DNAH9: variants seen among roughly 807,000 people sequenced by gnomAD.
DNAH9 encodes dynein axonemal heavy chain 9, also known as DNAH9 variant protein.
Under a neutral mutation model 471.6 loss-of-function variants are expected in DNAH9, and 345 were observed. The observed-to-expected ratio is 0.73, with a 90% CI of 0.67 to 0.80. The LOEUF is 0.80. Ranked by LOEUF, DNAH9 falls within the 30% of genes least tolerant of loss-of-function variation. The pLI is 0.00. For synonymous variants in DNAH9, 2,093 were observed against 2,123.6 expected, an observed-to-expected ratio of 0.99 and a Z score of 0.40; for missense variants, 5,407 against 5,609.2, an observed-to-expected ratio of 0.96 and a Z score of 1.15.
Position 11,690,206 on chromosome 17 carries a change from C to T in DNAH9, c.4384C>T (p.Leu1462=), listed in dbSNP as rs1171808693. The stretch of plus-strand genomic sequence containing the variant: ...CCACCCACGGACCAATGTCCCCCTC[C>T]TGTGCTCTGATGAGGACCTCATAGA... The part of the protein sequence containing the change: ...EPHPRTNVPL[L]CSDEDLIEVL... The change falls in exon 20 of 69, where the codon CTG becomes TTG. Residue 1462 remains leucine (L), a synonymous_variant. Transcript: ENST00000262442. 1 of 1,614,106 alleles carries T rather than the reference C, an allele frequency of 6.2e-7. No individual in the cohort carries two copies. Among genetic ancestry groups the T allele is most frequent in the Non-Finnish European group, 8.5e-7 (1 of 1,180,040 alleles).
intron 27 of DNAH9, among the ~76,000 whole-genome samples, chr17:11,727,373 C>A (rs1325812256): frequency 6.6e-6 from 1 of 152,030 alleles, no homozygotes; most frequent in Admixed American, 6.6e-5. Flanking sequence ...GTTATCACCC[C>A]CTGTCTTTGT....
intron 49 of DNAH9, 100 bp downstream of exon 49, chr17:11,834,998 G>C: frequency 6.9e-7 from 1 of 1,440,560 alleles, no homozygotes; most frequent in Non-Finnish European, 9.2e-7. Flanking sequence ...TGTTGGGAGA[G>C]TTTAGGGTGG....
intron 38 of DNAH9, among the ~76,000 whole-genome samples, chr17:11,774,605 C>A (rs1486882594): frequency 2.0e-5 from 3 of 152,130 alleles, no homozygotes; most frequent in Non-Finnish European, 2.9e-5. Context: ...GGAAACCCGT[C>A]CTCATGATTC....
chr17:11,802,648 C>CAA (rs3070089), intron 43 of DNAH9, among the ~76,000 whole-genome samples: 66,959 of 130,942 alleles, frequency 0.51, 17,081 homozygotes, highest in Non-Finnish European at 0.55. Context: ...AACACACAGA[C>CAA]AAAAAAAAAA....
intron 53 of DNAH9, among the ~76,000 whole-genome samples, chr17:11,876,773 G>T (rs1292605864): frequency 1.3e-5 from 2 of 152,162 alleles, no homozygotes; most frequent in African/African-American, 4.8e-5. Flanking sequence ...AGGCTGGAGT[G>T]CAGTGGTGCG....
At position 11,739,162 on chromosome 17, in the gene DNAH9, A is replaced by G. The variant is rs2075396487; in HGVS notation, c.5972+125A>G. 9 of 964,176 alleles carry G rather than the reference A, an allele frequency of 9.3e-6. No homozygotes were observed. In the South Asian group the frequency reaches 1.3e-4, roughly 14 times the overall value. 59.7% of individuals were successfully genotyped at this position (964,176 alleles called of 1,614,324 possible). A position where few individuals can be genotyped will look rare whatever the true frequency, so the allele number is the denominator to read the frequency against. On this transcript the variant is annotated intron_variant, in intron 29 of 68. Coordinates refer to ENST00000262442, the MANE Select transcript of DNAH9 (RefSeq NM_001372.4). Reference sequence around the variant, plus strand: ...CATTTGGAAAAGTAGATTTGTAACAACCTTCTTTAATGTCTTTAATGCAGT... The same window carrying G: ...CATTTGGAAAAGTAGATTTGTAACAGCCTTCTTTAATGTCTTTAATGCAGT...
intron 28 of DNAH9, among the ~76,000 whole-genome samples, chr17:11,728,614 A>G (rs1027796787): frequency 2.6e-5 from 4 of 151,880 alleles, no homozygotes; most frequent in African/African-American, 9.7e-5. Flanking sequence ...TCTGACTGAG[A>G]TGAGACTTCC....
chr17:11,894,488 G>A lies in DNAH9; in HGVS notation c.11398G>A (p.Ala3800Thr). 1 of 1,614,130 alleles carries A rather than the reference G, an allele frequency of 6.2e-7. No individual in the cohort carries two copies. The highest frequency in any genetic ancestry group is 2.2e-5 in the East Asian group (1 of 44,890). Residue 3800 changes from alanine (A) to threonine (T), a missense_variant, in exon 59 of 69, where the codon GCT becomes ACT. Around this residue, in one of 3 missense-constraint regions of DNAH9, gnomAD observed 4,636 missense variants for 4,900.3 expected, o/e 0.95. Transcript: ENST00000262442. ...VEFLSHQAWG[A>T]VKVLSSMEEF... ...GTTCCTCTCCCATCAGGCGTGGGGAGCTGTCAAGGTCAGTATTGACCCCTA... is the reference window on the plus strand; with the variant it reads ...GTTCCTCTCCCATCAGGCGTGGGGAACTGTCAAGGTCAGTATTGACCCCTA...
chr17:11,705,021 T>G lies in DNAH9; in HGVS notation c.5392-4T>G. The G allele has an allele frequency of 6.2e-7, 1 of 1,613,428 alleles. No individual in the cohort carries two copies. Among genetic ancestry groups the G allele is most frequent in the Non-Finnish European group, 8.5e-7 (1 of 1,179,370 alleles). On this transcript the variant is annotated splice_region_variant and splice_polypyrimidine_tract_variant and intron_variant, in intron 25 of 68. Transcript: ENST00000262442. ...ACCCACCTACTCTACCACTCTCTCTTTAGGTAGACAATGCCCAGGCTTTCC... is the reference window on the plus strand; with the variant it reads ...ACCCACCTACTCTACCACTCTCTCTGTAGGTAGACAATGCCCAGGCTTTCC...
At chr17:11,758,475 A>G (rs539574120) in intron 35 of DNAH9, among the ~76,000 whole-genome samples, 41 of 152,318 alleles carry the variant, frequency 2.7e-4, no homozygotes, top group Middle Eastern at 3.4e-3. Flanking sequence ...TGTGAAGGCA[A>G]TGTGACTCAG....
rs1198003501 is a variant in DNAH9, at chr17:11,925,106, T to C, written c.11877+1165T>C. 5 of 438,462 alleles carry C rather than the reference T, an allele frequency of 1.1e-5. No individual in the cohort carries two copies. In the East Asian group the frequency reaches 3.5e-4, roughly 31 times the overall value. The allele number at this position is 438,462 out of a possible 1,614,324, so 27.2% of individuals were successfully genotyped here. On this transcript the variant is annotated intron_variant, in intron 62 of 68. Coordinates refer to ENST00000262442, the MANE Select transcript of DNAH9 (RefSeq NM_001372.4). ...TTTGAAATCTTCTATTAGAGCTCCA[T>C]TGCTACGTTGACATGGTTTATTTTA...
At chr17:11,915,041 T>A (rs554545699) in intron 61 of DNAH9, among the ~76,000 whole-genome samples, 1 of 152,264 alleles carries the variant, frequency 6.6e-6, no homozygotes, top group South Asian at 2.1e-4. Flanking sequence ...ATGCTTCAAA[T>A]CCATCTAATT....
At position 11,942,491 on chromosome 17, in the gene DNAH9, C is replaced by T. The variant is rs768418880; in HGVS notation, c.12843+6C>T. ...AGCTGGAGCTCGGCTTAAAGGTGAG[C>T]GCGGTCTTGTAAGGCATGGAGGGGA... On this transcript the variant is annotated splice_donor_region_variant and intron_variant, in intron 67 of 68. Coordinates refer to ENST00000262442, the MANE Select transcript of DNAH9 (RefSeq NM_001372.4). 1.4e-5 allele frequency: 23 copies of T among 1,612,030 alleles called. 1 individual carries two copies. Among genetic ancestry groups the T allele is most frequent in the Middle Eastern group, 1.7e-4 (1 of 5,724 alleles).
intron 59 of DNAH9, among the ~76,000 whole-genome samples, chr17:11,900,950 A>C (rs1354411426): frequency 5.3e-5 from 8 of 152,292 alleles, no homozygotes; most frequent in Non-Finnish European, 1.0e-4. Context: ...CTACACACAC[A>C]CCCAAAATAC....
chr17:11,744,996 C>G lies in DNAH9; in HGVS notation c.6311C>G (p.Pro2104Arg). ...IGDLFPALDV[P>R]RRRDPNFEAL... ...GACCTCTTTCCCGCCCTGGATGTCC[C>G]CCGGAGGAGAGACCCCAACTTCGAA... The change falls in exon 31 of 69, where the codon CCC (proline) becomes CGC (arginine). Residue 2104 changes from proline to arginine, a missense_variant. By Grantham distance (103) the Pro-to-Arg change is moderately radical (BLOSUM62 -2). This residue lies in a region of DNAH9 where 4,636 missense variants were observed against 4,900.3 expected (regional missense o/e 0.95). Coordinates refer to ENST00000262442, the MANE Select transcript of DNAH9 (RefSeq NM_001372.4). The G allele has an allele frequency of 2.5e-6, 4 of 1,614,138 alleles. No individual in the cohort carries two copies. The highest frequency in any genetic ancestry group is 3.4e-6 in the Non-Finnish European group (4 of 1,180,000).
At chr17:11,624,692 A>G (rs528431051) in intron 6 of DNAH9, among the ~76,000 whole-genome samples, 1 of 152,206 alleles carries the variant, frequency 6.6e-6, no homozygotes, top group South Asian at 2.1e-4. Flanking sequence ...TTGATATCCT[A>G]TAGGGAGTTG....
intron 49 of DNAH9, among the ~76,000 whole-genome samples, chr17:11,839,409 G>A (rs773068537): frequency 2.0e-5 from 3 of 151,976 alleles, no homozygotes; most frequent in South Asian, 2.1e-4. Context: ...CCAGCTACTC[G>A]GGAGGCTGAG....
intron 44 of DNAH9, 119 bp downstream of exon 44, chr17:11,808,013 C>T: frequency 3.4e-6 from 4 of 1,190,170 alleles, no homozygotes; most frequent in Non-Finnish European, 4.6e-6. Context: ...AATGTCTGTC[C>T]ATTTCTGTCT....
chr17:11,879,953 A>G, intron 53 of DNAH9, 125 bp from the exon 54 acceptor site: 1 of 1,189,566 alleles, frequency 8.4e-7, no homozygotes, highest in African/African-American at 1.5e-5. Context: ...CACTGAAAAC[A>G]TTCCAAATAG....
Sources: allele counts gnomAD v4.1 joint callset (sites outside exome capture counted in the v4.1 genomes callset), GRCh38; gene constraint gnomAD v4.1.1; regional missense constraint gnomAD v4.1.1; transcripts MANE v1.5; gene names NCBI Gene and HGNC (gene_info 2026-07-23, HGNC 2026-07-21).